Variants in CEP44 observed in about 807,000 individuals in gnomAD.
The protein encoded by CEP44 is centrosomal protein 44, also known as centrosomal protein of 44 kDa.
CEP44 carries 45 observed loss-of-function variants against 46.7 expected under a neutral mutation model. The observed-to-expected ratio is 0.96, with a 90% CI of 0.76 to 1.24. CEP44 has a LOEUF of 1.24. Among genes scored for constraint, CEP44 ranks in the 50% most tolerant of loss-of-function variants. CEP44 has a pLI of 0.00. For missense variants in CEP44, 475 were observed against 459.7 expected, an observed-to-expected ratio of 1.03 and a Z score of -0.30; for synonymous variants, 142 against 146.0, an observed-to-expected ratio of 0.97 and a Z score of 0.20.
downstream of CEP44, among the ~76,000 whole-genome samples, chr4:174,323,183 AT>A (rs1218614311): frequency 6.6e-6 from 1 of 152,136 alleles, no homozygotes; most frequent in Non-Finnish European, 1.5e-5. Context: ...ATCACAGGAA[AT>A]TAAAAGAAAT....
At chr4:174,332,183 G>A (rs1731352657) in exon 9 of CEP44, 1 of 152,488 alleles carries the variant, frequency 6.6e-6, no homozygotes, top group African/African-American at 2.4e-5. Context: ...GGAAAGAGCT[G>A]GGCAAGGCCA....
At chr4:174,302,721 G>C (rs557109617) in intron 4 of CEP44, among the ~76,000 whole-genome samples, 1 of 150,582 alleles carries the variant, frequency 6.6e-6, no homozygotes, top group Non-Finnish European at 1.5e-5. Context: ...TTTTGCTTAA[G>C]TACTGTGGTT....
At chr4:174,323,968 C>A (rs1193733886), downstream of CEP44, among the ~76,000 whole-genome samples, 1 of 152,114 alleles carries the variant, frequency 6.6e-6, no homozygotes, top group African/African-American at 2.4e-5. Flanking sequence ...TGCTTAGTTG[C>A]ATTGACTTTT....
At position 174,319,337 on chromosome 4, in the gene CEP44, T is replaced by C. The variant is rs1742079862; in HGVS notation, c.*1954T>C. ...TCTGTATCGATTAACTCCTAAAATA[T>C]CAGTACCAGCATGGAATTATAGCAC... On this transcript the variant is annotated 3_prime_UTR_variant, in exon 12 of 12. Transcript: ENST00000503780. 2 of 984,540 alleles carry C rather than the reference T, an allele frequency of 2.0e-6. No individual in the cohort carries two copies. Among genetic ancestry groups the C allele is most frequent in the Non-Finnish European group, 2.4e-6 (2 of 829,150 alleles). 61.0% of individuals were successfully genotyped at this position (984,540 alleles called of 1,614,324 possible).
intron 1 of CEP44, among the ~76,000 whole-genome samples, chr4:174,289,412 A>G (rs968588373): frequency 6.7e-6 from 1 of 150,244 alleles, no homozygotes; most frequent in Non-Finnish European, 1.5e-5. Context: ...TGATTATTCC[A>G]TCAATCTCCT....
At position 174,309,923 on chromosome 4, in the gene CEP44, TG is replaced by T; in HGVS notation, c.753del (p.Thr252LeufsTer3). 1 of 1,612,604 alleles carries T rather than the reference TG, an allele frequency of 6.2e-7. No homozygotes were observed. The highest frequency in any genetic ancestry group is 1.3e-5 in the African/African-American group (1 of 74,970). ...LAECQENLKK[L>X]TSIEKRLDCL... is the part of the protein sequence containing the mutation. ...GAATGCCAAGAAAATCTTAAGAAAC[TG>T]ACTTCGATAGAGAAAAGGTTAGACT... On this transcript the variant is annotated frameshift_variant, in exon 8 of 12. Transcript: ENST00000503780. LOFTEE classifies it high-confidence loss of function. This position sits in a 1 kb window ranked among gnomAD's most constrained non-coding sequence, Gnocchi z 5.3.
At position 174,312,442 on chromosome 4, in the gene CEP44, C is replaced by T. The variant is rs1741193351; in HGVS notation, c.961+1584C>T. Among the ~76,000 whole-genome samples, 1 of 151,900 alleles carries T rather than the reference C, an allele frequency of 6.6e-6. No homozygotes were observed. Among genetic ancestry groups the T allele is most frequent in the Non-Finnish European group, 1.5e-5 (1 of 68,000 alleles). On this transcript the variant is annotated intron_variant, in intron 9 of 11. Transcript: ENST00000503780. The surrounding 1 kb of genome is among the most constrained non-coding windows in gnomAD (Gnocchi z 4.5). ...AGTAGCTGGGACTACAGGTACGTGC[C>T]ACCACACCTGGATAATTTTTTATTT...
chr4:174,310,690 G>A lies in CEP44; in HGVS notation c.886-93G>A. On this transcript the variant is annotated intron_variant, in intron 8 of 11. Coordinates refer to ENST00000503780, the MANE Select transcript of CEP44 (RefSeq NM_001040157.3). This position sits in a 1 kb window ranked among gnomAD's most constrained non-coding sequence, Gnocchi z 4.2. ...TTAAAAATATTTAAACATTTATCAT[G>A]CTACCTTTATATTTTATGCTCAGCA... 1 of 674,374 alleles carries A rather than the reference G, an allele frequency of 1.5e-6. No homozygotes were observed. The highest frequency in any genetic ancestry group is 2.6e-6 in the Non-Finnish European group (1 of 391,086). The allele number at this position is 674,374 out of a possible 1,614,324, so 41.8% of individuals were successfully genotyped here.
intron 2 of CEP44, among the ~76,000 whole-genome samples, 192 bp downstream of exon 2, chr4:174,298,254 C>T (rs9715080): frequency 0.18 from 25,569 of 140,348 alleles, 2,766 homozygotes; most frequent in East Asian, 0.58. Flanking sequence ...CGGCTCACTG[C>T]AAGCTCCGCC....
Position 174,317,433 on chromosome 4 carries a change from T to A in CEP44, c.*50T>A. The A allele has an allele frequency of 7.5e-7, 1 of 1,333,596 alleles. No homozygotes were observed. The highest frequency in any genetic ancestry group is 1.5e-5 in the African/African-American group (1 of 67,018). The allele number at this position is 1,333,596 out of a possible 1,614,324, so 82.6% of individuals were successfully genotyped here. ...AGGACTTTGGTTACTATACATATTG[T>A]ATATTTTAAGAATTCTTTATACAAT... is the stretch of plus-strand genomic sequence containing the variant. On this transcript the variant is annotated 3_prime_UTR_variant, in exon 12 of 12. Transcript: ENST00000503780.
chr4:174,316,021 T>C (rs1741662396), intron 9 of CEP44, 145 bp from the exon 10 acceptor site: 4 of 918,256 alleles, frequency 4.4e-6, no homozygotes, highest in Non-Finnish European at 6.4e-6. Flanking sequence ...GCTGTTACCT[T>C]AAGAGTACTA....
chr4:174,320,253 C>G lies in CEP44; in HGVS notation c.*2870C>G. 7 of 984,188 alleles carry G rather than the reference C, an allele frequency of 7.1e-6. No individual in the cohort carries two copies. Among genetic ancestry groups the G allele is most frequent in the Non-Finnish European group, 8.4e-6 (7 of 828,982 alleles). The allele number at this position is 984,188 out of a possible 1,614,324, so 61.0% of individuals were successfully genotyped here. A position where few individuals can be genotyped will look rare whatever the true frequency, so the allele number is the denominator to read the frequency against. On this transcript the variant is annotated 3_prime_UTR_variant, in exon 12 of 12. Coordinates refer to ENST00000503780, the MANE Select transcript of CEP44 (RefSeq NM_001040157.3). ...TTGAGTTGGAAAAAAGTAATTCTAT[C>G]ATGTTTGCTTGTTTTCCTCTACTGT...
At position 174,305,314 on chromosome 4, in the gene CEP44, C is replaced by T. The variant is rs190480527; in HGVS notation, c.507+945C>T. ...ACTAAAAATACAAAAATTAGCTAGGCGTGGTAGCTGGTGCCTGTAACCCCA... is the reference window on the plus strand; with the variant it reads ...ACTAAAAATACAAAAATTAGCTAGGTGTGGTAGCTGGTGCCTGTAACCCCA... On this transcript the variant is annotated intron_variant, in intron 6 of 11. Transcript: ENST00000503780. Among the ~76,000 whole-genome samples the T allele has an allele frequency of 3.9e-5, 6 of 152,098 alleles. 1 individual carries two copies. Among genetic ancestry groups the T allele is most frequent in the Non-Finnish European group, 8.8e-5 (6 of 67,988 alleles).
At chr4:174,333,265 T>C (rs1323125531) in exon 9 of CEP44, 1 of 148,786 alleles carries the variant, frequency 6.7e-6, no homozygotes, top group Non-Finnish European at 1.5e-5. Context: ...TTTTGTGGTC[T>C]GGCAAAGGCC....
chr4:174,330,766 G>A (rs1045930398), intron 8 of CEP44, among the ~76,000 whole-genome samples: 4 of 124,328 alleles, frequency 3.2e-5, no homozygotes, highest in African/African-American at 1.2e-4. Flanking sequence ...TGCCAAGTAT[G>A]CACATGAAAG....
chr4:174,284,227 G>A (rs1737294866), intron 1 of CEP44: 2 of 397,446 alleles, frequency 5.0e-6, no homozygotes, highest in Non-Finnish European at 8.9e-6. Flanking sequence ...CCCGGGCGGA[G>A]ACGAATGACC....
intron 6 of CEP44, 151 bp downstream of exon 6, chr4:174,304,520 G>A: frequency 2.0e-6 from 2 of 994,232 alleles, no homozygotes; most frequent in African/African-American, 1.7e-5. Flanking sequence ...TATATTTTTG[G>A]GCAGTATGCC....
At chr4:174,333,245 T>C (rs980006622) in exon 9 of CEP44, 1 of 149,810 alleles carries the variant, frequency 6.7e-6, no homozygotes, top group East Asian at 2.0e-4. Context: ...TTTTTCTTTA[T>C]ATGATTCAAT....
chr4:174,324,606 C>T (rs1361204166), downstream of CEP44, among the ~76,000 whole-genome samples: 6 of 152,086 alleles, frequency 3.9e-5, no homozygotes, highest in African/African-American at 1.4e-4. Context: ...AGTTAAGGCT[C>T]AATGTTATGT....
Sources: gnomAD v4.1 joint callset for allele counts (sites outside exome capture counted in the v4.1 genomes callset) on GRCh38, gnomAD v4.1.1 for gene constraint, Gnocchi (gnomAD v3.1) non-coding constraint, MANE v1.5 for transcripts, NCBI Gene and HGNC (gene_info 2026-07-23, HGNC 2026-07-21) for gene names.